Variants in ZHX2 observed in about 807,000 individuals in gnomAD.
ZHX2 encodes the protein zinc fingers and homeoboxes protein 2.
In ZHX2, 6 loss-of-function variants were observed where a neutral mutation model predicts 21.9. The observed-to-expected ratio is 0.27, with a 90% CI of 0.15 to 0.54. The LOEUF (loss-of-function observed/expected upper bound fraction) is 0.54. Ranked by LOEUF, ZHX2 falls within the 20% of genes least tolerant of loss-of-function variation. The pLI is 0.95. For synonymous variants in ZHX2, 434 were observed against 437.1 expected, an observed-to-expected ratio of 0.99 and a Z score of 0.09; for missense variants, 908 against 1,090.7, an observed-to-expected ratio of 0.83 and a Z score of 2.36.
At chr8:122,872,325 G>C (rs1054772453) in intron 2 of ZHX2, among the ~76,000 whole-genome samples, 2 of 152,156 alleles carry the variant, frequency 1.3e-5, no homozygotes, top group African/African-American at 4.8e-5. Flanking sequence ...TGTGCCACTC[G>C]TATGAAATTC....
intron 3 of ZHX2, among the ~76,000 whole-genome samples, chr8:122,968,212 C>T (rs1302522967): frequency 2.6e-5 from 4 of 152,124 alleles, no homozygotes; most frequent in Non-Finnish European, 5.9e-5. Flanking sequence ...CCAATATGCA[C>T]TGATAGGCCA....
chr8:122,964,979 T>TTTCTATGTATTTCTATG (rs1813541848), intron 3 of ZHX2, among the ~76,000 whole-genome samples: 2 of 151,890 alleles, frequency 1.3e-5, no homozygotes, highest in Non-Finnish European at 2.9e-5. Flanking sequence ...TGGTATTGGT[T>TTTCTATGTATTTCTATG]GTAATATCTC....
intron 2 of ZHX2, among the ~76,000 whole-genome samples, chr8:122,877,383 T>A (rs1199349643): frequency 6.6e-6 from 1 of 152,194 alleles, no homozygotes; most frequent in Non-Finnish European, 1.5e-5. Context: ...TAACATGTAG[T>A]AAGTGCTTAC....
At chr8:122,858,567 T>G (rs866127431) in intron 1 of ZHX2, among the ~76,000 whole-genome samples, 7 of 152,024 alleles carry the variant, frequency 4.6e-5, no homozygotes, top group Admixed American at 1.3e-4. Flanking sequence ...TGGAAATGTG[T>G]GTGCCTGTGG....
chr8:122,822,788 G>A (rs1480147012), intron 1 of ZHX2, among the ~76,000 whole-genome samples: 2 of 152,256 alleles, frequency 1.3e-5, no homozygotes, highest in Non-Finnish European at 2.9e-5. Context: ...CTGGGCTATC[G>A]GAGTGGTCCT....
intron 2 of ZHX2, among the ~76,000 whole-genome samples, chr8:122,948,433 T>C (rs1381385069): frequency 6.6e-6 from 1 of 152,226 alleles, no homozygotes; most frequent in African/African-American, 2.4e-5. Flanking sequence ...CAAATCATCA[T>C]TTGTTTAATG....
chr8:122,905,244 C>G (rs1459299996), intron 2 of ZHX2, among the ~76,000 whole-genome samples: 2 of 152,228 alleles, frequency 1.3e-5, no homozygotes, highest in Non-Finnish European at 2.9e-5. Context: ...TAAGACACAT[C>G]ATACTCAAAT....
chr8:122,824,156 G>T (rs995224382), intron 1 of ZHX2, among the ~76,000 whole-genome samples: 3 of 152,158 alleles, frequency 2.0e-5, no homozygotes, highest in Non-Finnish European at 4.4e-5. Context: ...TGGGAGGCCG[G>T]CCTTGTCCAC....
At chr8:122,945,500 T>C (rs146416776) in intron 2 of ZHX2, among the ~76,000 whole-genome samples, 1 of 149,524 alleles carries the variant, frequency 6.7e-6, no homozygotes, top group East Asian at 2.0e-4. Context: ...CAAGGCATTG[T>C]TATGGTCTCA....
At chr8:122,891,270 TTGTGTGTGTGTGTG>T (rs59893492) in intron 2 of ZHX2, among the ~76,000 whole-genome samples, 888 of 77,700 alleles carry the variant, frequency 0.011, 6 homozygotes, top group Middle Eastern at 0.065. Flanking sequence ...TCTTGGTAGA[TTGTGTGTGTGTGTG>T]TGTGTGTGTG....
chr8:122,873,759 A>T (rs1819501569), intron 2 of ZHX2, among the ~76,000 whole-genome samples: 1 of 152,212 alleles, frequency 6.6e-6, no homozygotes, highest in South Asian at 2.1e-4. Context: ...CAAAGTATTG[A>T]CAAAGTGTAC....
Position 122,816,711 on chromosome 8 carries a change from CTCAG to C in ZHX2, c.-283+34769_-283+34772del, listed in dbSNP as rs201348341. ...CATATGCAGCCTTTACAAATATTAG[CTCAG>C]TCATTTTCAGAAAGGTTTTTCCAAT... On this transcript the variant is annotated intron_variant, in intron 1 of 3. Coordinates refer to ENST00000314393, the MANE Select transcript of ZHX2 (RefSeq NM_014943.5). Among the ~76,000 whole-genome samples, 729 of 152,072 alleles carry C rather than the reference CTCAG, an allele frequency of 4.8e-3. 4 individuals are homozygous for C. The highest frequency in any genetic ancestry group is 0.017 in the African/African-American group (706 of 41,476).
At chr8:122,894,220 A>G (rs1820044321) in intron 2 of ZHX2, among the ~76,000 whole-genome samples, 1 of 152,230 alleles carries the variant, frequency 6.6e-6, no homozygotes. Context: ...GTGCTAGGCA[A>G]TGCCAGTTGA....
At chr8:122,922,082 T>C (rs1820753394) in intron 2 of ZHX2, among the ~76,000 whole-genome samples, 1 of 152,042 alleles carries the variant, frequency 6.6e-6, no homozygotes, top group Non-Finnish European at 1.5e-5. Flanking sequence ...CACTTGTAGC[T>C]CTTTGTGCTA....
chr8:122,851,179 C>G (rs981032220), intron 1 of ZHX2, among the ~76,000 whole-genome samples: 1 of 152,100 alleles, frequency 6.6e-6, no homozygotes, highest in Non-Finnish European at 1.5e-5. Context: ...ATCTATTTTG[C>G]AGACAGAACG....
intron 2 of ZHX2, among the ~76,000 whole-genome samples, chr8:122,925,226 C>T (rs1820822036): frequency 6.6e-6 from 1 of 152,144 alleles, no homozygotes; most frequent in Non-Finnish European, 1.5e-5. Flanking sequence ...TGATTGTTCC[C>T]CTTGAAATCA....
In ZHX2 at chr8:122,951,446, C is replaced by T. The variant is rs878964673; in HGVS notation, c.-65C>T. The T allele has an allele frequency of 6.3e-6, 9 of 1,435,892 alleles. No homozygotes were observed. In the South Asian group the frequency reaches 9.2e-5, roughly 15 times the overall value. 88.9% of individuals were successfully genotyped at this position (1,435,892 alleles called of 1,614,324 possible). ...CAAAAGCCTTTCACCTTATTCGTTC[C>T]AAGAATCTCACCGCCCCCTCCTTAT... is the stretch of plus-strand genomic sequence containing the variant. On this transcript the variant is annotated 5_prime_UTR_variant, in exon 3 of 4. Transcript: ENST00000314393.
intron 2 of ZHX2, among the ~76,000 whole-genome samples, chr8:122,946,498 T>G (rs1812978488): frequency 6.6e-6 from 1 of 152,192 alleles, no homozygotes; most frequent in South Asian, 2.1e-4. Context: ...TGCTTTTATT[T>G]TGAACCACAA....
chr8:122,972,978 G>T (rs1813763488), intron 3 of ZHX2, among the ~76,000 whole-genome samples: 1 of 152,166 alleles, frequency 6.6e-6, no homozygotes, highest in African/African-American at 2.4e-5. Flanking sequence ...ACCTTCACTT[G>T]CCCAGAAAGT....
Sources: gnomAD v4.1 joint callset for allele counts (sites outside exome capture counted in the v4.1 genomes callset) on GRCh38, gnomAD v4.1.1 for gene constraint, MANE v1.5 for transcripts, NCBI Gene and HGNC (gene_info 2026-07-23, HGNC 2026-07-21) for gene names.